The following TENM2 variants were observed in gnomAD, a reference collection of about 807,000 sequenced individuals.
TENM2 encodes the protein teneurin-2.
TENM2 carries 52 observed loss-of-function variants against 245.2 expected under a neutral mutation model. The ratio of observed to expected loss-of-function variants is 0.21; its 90% CI spans 0.17 to 0.27. TENM2 has a LOEUF of 0.27. Among genes scored for constraint, TENM2 ranks in the 10% least tolerant of loss-of-function variants. The pLI is 1.00. For synonymous variants in TENM2, 1,363 were observed against 1,438.9 expected, an observed-to-expected ratio of 0.95 and a Z score of 1.19; for missense variants, 3,046 against 3,666.8, an observed-to-expected ratio of 0.83 and a Z score of 4.37.
intron 1 of TENM2, among the ~76,000 whole-genome samples, chr5:167,358,530 C>G (rs889043145): frequency 6.6e-6 from 1 of 151,394 alleles, no homozygotes; most frequent in Non-Finnish European, 1.5e-5. Context: ...TCTTTCCATA[C>G]TCCTTTACTG....
intron 1 of TENM2, among the ~76,000 whole-genome samples, chr5:167,330,722 G>T (rs1757392045): frequency 6.6e-6 from 1 of 152,184 alleles, no homozygotes; most frequent in South Asian, 2.1e-4. Context: ...CAACAGCAAT[G>T]CTCATGATAA....
At chr5:167,304,344 C>G (rs1755537913) in intron 1 of TENM2, among the ~76,000 whole-genome samples, 2 of 152,226 alleles carry the variant, frequency 1.3e-5, no homozygotes, top group South Asian at 4.1e-4. Flanking sequence ...CTGTTCCTTA[C>G]TCTTGCTCTT....
At chr5:167,942,101 G>A (rs985986545) in intron 3 of TENM2, among the ~76,000 whole-genome samples, 5 of 151,982 alleles carry the variant, frequency 3.3e-5, no homozygotes, top group Admixed American at 6.6e-5. Context: ...CCAGCTACTC[G>A]GGAGGCTGAG....
the TENM2 span, among the ~76,000 whole-genome samples, chr5:167,258,348 T>G: frequency 2.6e-5 from 4 of 151,756 alleles, no homozygotes; most frequent in Non-Finnish European, 5.9e-5. Context: ...GGGTAAACTT[T>G]CCTATGTAAC....
intron 13 of TENM2, among the ~76,000 whole-genome samples, chr5:168,178,852 C>T (rs1759591647): frequency 6.6e-6 from 1 of 152,028 alleles, no homozygotes; most frequent in Non-Finnish European, 1.5e-5. Flanking sequence ...AATCCCAGCA[C>T]TTTAATTCCA....
intron 2 of TENM2, among the ~76,000 whole-genome samples, chr5:167,704,652 T>G (rs1440933579): frequency 1.3e-5 from 2 of 152,140 alleles, no homozygotes; most frequent in Admixed American, 6.5e-5. Context: ...AAAAGAAGGC[T>G]TTGAATAAGA....
At chr5:167,558,165 C>T (rs895101206) in intron 2 of TENM2, among the ~76,000 whole-genome samples, 1 of 152,176 alleles carries the variant, frequency 6.6e-6, no homozygotes, top group Non-Finnish European at 1.5e-5. Flanking sequence ...GCTAGAAGCT[C>T]CAGCCTGTGC....
At chr5:167,888,986 T>G (rs1774517307) in intron 3 of TENM2, among the ~76,000 whole-genome samples, 1 of 152,160 alleles carries the variant, frequency 6.6e-6, no homozygotes, top group Non-Finnish European at 1.5e-5. Flanking sequence ...CAGTGAACAC[T>G]CAACCATGGG....
intron 1 of TENM2, among the ~76,000 whole-genome samples, chr5:167,314,712 A>G (rs1756251020): frequency 1.3e-5 from 2 of 152,106 alleles, no homozygotes; most frequent in East Asian, 1.9e-4. Context: ...TTTTAAATGT[A>G]TAAGTAATAT....
the TENM2 span, among the ~76,000 whole-genome samples, chr5:167,243,027 G>A: frequency 6.8e-6 from 1 of 147,218 alleles, no homozygotes; most frequent in African/African-American, 2.5e-5. Context: ...ACATGTTGAG[G>A]TTTTTTTTTT....
chr5:167,009,757 T>A, the TENM2 span, among the ~76,000 whole-genome samples: 4 of 152,190 alleles, frequency 2.6e-5, no homozygotes, highest in Non-Finnish European at 5.9e-5. Flanking sequence ...TAATTAAAGC[T>A]TAAATCTAGT....
intron 13 of TENM2, among the ~76,000 whole-genome samples, chr5:168,175,922 C>T (rs1759316727): frequency 6.6e-6 from 1 of 152,148 alleles, no homozygotes; most frequent in Non-Finnish European, 1.5e-5. Flanking sequence ...CTTTGACGAG[C>T]AACACTAATA....
intron 2 of TENM2, among the ~76,000 whole-genome samples, chr5:167,778,665 A>G (rs368390316): frequency 2.6e-5 from 4 of 152,206 alleles, no homozygotes; most frequent in South Asian, 2.1e-4. Flanking sequence ...AATAAGCACA[A>G]TAGTATATAG....
At chr5:167,557,249 T>A (rs1013772214) in intron 2 of TENM2, among the ~76,000 whole-genome samples, 10 of 152,168 alleles carry the variant, frequency 6.6e-5, no homozygotes, top group African/African-American at 2.4e-4. Flanking sequence ...TAGCCTATTG[T>A]GTGGTTATGT....
chr5:168,247,058 T>C lies in TENM2; in HGVS notation c.6119T>C (p.Phe2040Ser), dbSNP rs779549945. Reference sequence around the variant, plus strand: ...GTCTACGACAGTACCGCCGTCACCTTCGGGTATGACGAGACCACTGGTGTC... The same window carrying C: ...GTCTACGACAGTACCGCCGTCACCTCCGGGTATGACGAGACCACTGGTGTC... Residue 2040 changes from phenylalanine to serine, a missense_variant, in exon 27 of 29, where the codon TTC becomes TCC. Coordinates refer to ENST00000518659, the Ensembl canonical transcript of TENM2. This position sits in a 1 kb window ranked among gnomAD's most constrained non-coding sequence, Gnocchi z 7.8. The C allele has an allele frequency of 1.9e-6, 3 of 1,613,924 alleles. No individual in the cohort carries two copies. In the South Asian group the frequency reaches 3.3e-5, roughly 18 times the overall value.
intron 2 of TENM2, among the ~76,000 whole-genome samples, chr5:167,572,791 A>G (rs1774361414): frequency 6.6e-6 from 1 of 152,210 alleles, no homozygotes; most frequent in African/African-American, 2.4e-5. Context: ...TTAAAATGGT[A>G]CAGGAAGGGA....
chr5:167,480,915 A>C (rs1293802528), intron 2 of TENM2, among the ~76,000 whole-genome samples: 1 of 152,212 alleles, frequency 6.6e-6, no homozygotes, highest in Non-Finnish European at 1.5e-5. Flanking sequence ...TAATATAAGA[A>C]GTCTGTTTAA....
intron 5 of TENM2, among the ~76,000 whole-genome samples, chr5:168,010,919 G>T (rs1352318964): frequency 6.6e-6 from 1 of 152,228 alleles, no homozygotes; most frequent in Non-Finnish European, 1.5e-5. Context: ...TTTCATAACT[G>T]CTCTTGCAGT....
the TENM2 span, among the ~76,000 whole-genome samples, chr5:167,070,132 T>TATTTATTTATTTATTTA: frequency 3.0e-4 from 45 of 150,302 alleles, no homozygotes; most frequent in Middle Eastern, 3.5e-3. Context: ...TTTATTTATT[T>TATTTATTTATTTATTTA]TTTGAGACAG....
Sources: gnomAD v4.1 joint callset for allele counts (sites outside exome capture counted in the v4.1 genomes callset) on GRCh38, gnomAD v4.1.1 for gene constraint, Gnocchi (gnomAD v3.1) non-coding constraint, MANE v1.5 for transcripts, NCBI Gene and HGNC (gene_info 2026-07-23, HGNC 2026-07-21) for gene names.